The following UNC5D variants were observed in gnomAD, a reference collection of about 807,000 sequenced individuals.
UNC5D encodes netrin receptor UNC5D.
A neutral mutation model predicts 105.4 loss-of-function variants in UNC5D; 39 were observed. That is an observed-to-expected ratio of 0.37 (90% CI 0.29 to 0.48). The LOEUF is 0.48. Ranked by LOEUF, UNC5D falls within the 20% of genes least tolerant of loss-of-function variation. UNC5D has a pLI of 0.98. For missense variants in UNC5D, 991 were observed against 1,202.4 expected, an observed-to-expected ratio of 0.82 and a Z score of 2.60; for synonymous variants, 452 against 450.4, an observed-to-expected ratio of 1.00 and a Z score of -0.04.
chr8:35,565,278 A>AT (rs1351606418), intron 2 of UNC5D, among the ~76,000 whole-genome samples: 2 of 152,166 alleles, frequency 1.3e-5, no homozygotes, highest in African/African-American at 4.8e-5. Flanking sequence ...AATAATGGTC[A>AT]TTTTGATTGG....
chr8:35,552,936 G>A (rs902371361), intron 2 of UNC5D, among the ~76,000 whole-genome samples: 2 of 152,198 alleles, frequency 1.3e-5, no homozygotes, highest in Admixed American at 6.5e-5. Flanking sequence ...TGACAGGCTT[G>A]TGTCTTTTGC....
rs747329307 is a variant in UNC5D at position 35,790,600 on chromosome 8, TG to T, written c.*41del. 6 of 1,610,008 alleles carry T rather than the reference TG, an allele frequency of 3.7e-6. No individual in the cohort carries two copies. In the South Asian group the frequency reaches 6.6e-5, roughly 18 times the overall value. Reference sequence around the variant, plus strand: ...CCATGAGACAGAGTGATGGCCAGCTTGGGGACATTTGCTTTAAATGGGAAAG... The same window carrying T: ...CCATGAGACAGAGTGATGGCCAGCTTGGGACATTTGCTTTAAATGGGAAAG... On this transcript the variant is annotated 3_prime_UTR_variant, in exon 17 of 17. Coordinates refer to ENST00000404895, the MANE Select transcript of UNC5D (RefSeq NM_080872.4).
At chr8:35,761,882 A>AT (rs558349347) in intron 14 of UNC5D, among the ~76,000 whole-genome samples, 88 of 152,296 alleles carry the variant, frequency 5.8e-4, no homozygotes, top group African/African-American at 2.0e-3. Flanking sequence ...CTTGAACCTC[A>AT]TGTAGAACAT....
At position 35,731,092 on chromosome 8, in the gene UNC5D, C is replaced by A; in HGVS notation, c.1762C>A (p.Pro588Thr). The A allele has an allele frequency of 6.2e-7, 1 of 1,613,656 alleles. No individual in the cohort carries two copies. The highest frequency in any genetic ancestry group is 8.5e-7 in the Non-Finnish European group (1 of 1,179,730). Reference sequence around the variant, plus strand: ...TTATATGTCCATCAACCAAGGTGAACCCAGGTGAGAGACAGAGAATAGCAT... The same window carrying A: ...TTATATGTCCATCAACCAAGGTGAAACCAGGTGAGAGACAGAGAATAGCAT... ...EIYMSINQGE[P>T]SLQSDGSEVL... is the part of the protein sequence containing the mutation. Residue 588 changes from proline to threonine, a missense_variant, in exon 11 of 17, where the codon CCC (proline) becomes ACC (threonine). Pro to Thr is a conservative substitution (Grantham distance 38). Around this residue, in one of 3 missense-constraint regions of UNC5D, gnomAD observed 944 missense variants for 1,131.6 expected, o/e 0.83. Coordinates refer to ENST00000404895, the MANE Select transcript of UNC5D (RefSeq NM_080872.4).
Position 35,646,463 on chromosome 8 carries a change from A to G in UNC5D, c.571-37084A>G, listed in dbSNP as rs143020781. On this transcript the variant is annotated intron_variant, in intron 4 of 16. Transcript: ENST00000404895. Reference sequence around the variant, plus strand: ...TGATTTCATCTTTAGTTTGGATATCATTACCAGTACACTGCCTCAACCCAG... The same window carrying G: ...TGATTTCATCTTTAGTTTGGATATCGTTACCAGTACACTGCCTCAACCCAG... Among the ~76,000 whole-genome samples, 882 of 152,218 alleles carry G rather than the reference A, an allele frequency of 5.8e-3. 3 individuals are homozygous for G. The highest frequency in any genetic ancestry group is 0.021 in the African/African-American group (854 of 41,548).
At chr8:35,354,243 G>A (rs944890010) in intron 1 of UNC5D, among the ~76,000 whole-genome samples, 2 of 151,886 alleles carry the variant, frequency 1.3e-5, no homozygotes, top group Non-Finnish European at 2.9e-5. Flanking sequence ...TTCTCTCTAT[G>A]CCATGTTTAT....
intron 4 of UNC5D, among the ~76,000 whole-genome samples, chr8:35,669,488 C>T (rs1002128007): frequency 1.3e-5 from 2 of 152,024 alleles, no homozygotes; most frequent in South Asian, 4.2e-4. Context: ...AATAGCAAGT[C>T]GGTTGCAAAT....
At chr8:35,694,383 G>A (rs185477914) in intron 7 of UNC5D, among the ~76,000 whole-genome samples, 18 of 152,252 alleles carry the variant, frequency 1.2e-4, no homozygotes, top group African/African-American at 3.9e-4. Context: ...TGGACAGACA[G>A]GAACCTAGAA....
chr8:35,518,594 A>G (rs1490590145), intron 1 of UNC5D, among the ~76,000 whole-genome samples: 2 of 152,142 alleles, frequency 1.3e-5, no homozygotes, highest in Non-Finnish European at 1.5e-5. Context: ...GTAGACAGGT[A>G]TATTGATTTC....
At chr8:35,253,589 C>G (rs1202190245) in intron 1 of UNC5D, among the ~76,000 whole-genome samples, 6 of 149,780 alleles carry the variant, frequency 4.0e-5, no homozygotes, top group African/African-American at 1.2e-4. Context: ...TGGGTTCAAG[C>G]GATTCTCCTG....
At position 35,372,574 on chromosome 8, in the gene UNC5D, A is replaced by G. The variant is rs564230154; in HGVS notation, c.103+136687A>G. On this transcript the variant is annotated intron_variant, in intron 1 of 16. Transcript: ENST00000404895. ...AGGAAATGAATAAGCTTTCAATTTC[A>G]TAATAGGCCAAATGCTCTAATATTT... Among the ~76,000 whole-genome samples, 21 of 152,102 alleles carry G rather than the reference A, an allele frequency of 1.4e-4. No homozygotes were observed. In the East Asian group the frequency reaches 3.9e-3, roughly 28 times the overall value.
At chr8:35,492,840 C>A (rs1811298085) in intron 1 of UNC5D, among the ~76,000 whole-genome samples, 2 of 152,080 alleles carry the variant, frequency 1.3e-5, no homozygotes, top group Non-Finnish European at 1.5e-5. Context: ...AGGTGAGGGG[C>A]AGAACTGCAC....
At chr8:35,542,357 T>C (rs2130638518) in intron 1 of UNC5D, among the ~76,000 whole-genome samples, 1 of 152,316 alleles carries the variant, frequency 6.6e-6, no homozygotes, top group African/African-American at 2.4e-5. Context: ...CTCTTTTAGA[T>C]TATGTAACTT....
At chr8:35,476,254 G>A (rs527711043) in intron 1 of UNC5D, among the ~76,000 whole-genome samples, 103 of 152,252 alleles carry the variant, frequency 6.8e-4, no homozygotes, top group African/African-American at 2.2e-3. Flanking sequence ...TAGGCAATGG[G>A]CCTTCACAAG....
chr8:35,243,714 G>A (rs528879764), intron 1 of UNC5D, among the ~76,000 whole-genome samples: 55 of 152,200 alleles, frequency 3.6e-4, no homozygotes, highest in African/African-American at 1.1e-3. Flanking sequence ...TTTCCCAAGC[G>A]GTTGGATCCT....
Position 35,269,854 on chromosome 8 carries a change from T to C in UNC5D, c.103+33967T>C, listed in dbSNP as rs80083581. On this transcript the variant is annotated intron_variant, in intron 1 of 16. Coordinates refer to ENST00000404895, the MANE Select transcript of UNC5D (RefSeq NM_080872.4). ...AAGGTCACACAGATGGGTGTGGAGATTCAAACTCAGGTCTGTGACTCTGAA... is the reference window on the plus strand; with the variant it reads ...AAGGTCACACAGATGGGTGTGGAGACTCAAACTCAGGTCTGTGACTCTGAA... 2.9e-3 allele frequency among the ~76,000 whole-genome samples: 446 copies of C among 152,232 alleles called. 3 individuals are homozygous for C. The highest frequency in any genetic ancestry group is 0.01 in the African/African-American group (416 of 41,546).
Position 35,461,349 on chromosome 8 carries a change from C to T in UNC5D, c.104-87943C>T, listed in dbSNP as rs575494348. Among the ~76,000 whole-genome samples, 80 of 152,216 alleles carry T rather than the reference C, an allele frequency of 5.3e-4. 1 individual carries two copies. The highest frequency in any genetic ancestry group is 1.8e-3 in the African/African-American group (75 of 41,540). On this transcript the variant is annotated intron_variant, in intron 1 of 16. Coordinates refer to ENST00000404895, the MANE Select transcript of UNC5D (RefSeq NM_080872.4). The stretch of plus-strand genomic sequence containing the variant: ...CTTACGTGTCTACATTGCTTATGTT[C>T]GGAATCTCTTACTTCTATGCTACAC...
chr8:35,621,573 G>A (rs1042024447), intron 4 of UNC5D, among the ~76,000 whole-genome samples: 1 of 152,120 alleles, frequency 6.6e-6, no homozygotes. Context: ...GAAGTATGGT[G>A]AAGGCTTAAG....
chr8:35,249,550 T>A (rs1585412634), intron 1 of UNC5D, among the ~76,000 whole-genome samples: 1 of 144,922 alleles, frequency 6.9e-6, no homozygotes, highest in Admixed American at 7.0e-5. Context: ...GGAGGGAAAC[T>A]CTGTCTCAAA....
Sources: gnomAD v4.1 joint callset for allele counts (sites outside exome capture counted in the v4.1 genomes callset) on GRCh38, gnomAD v4.1.1 for gene constraint, gnomAD v4.1.1 regional missense constraint, MANE v1.5 for transcripts, NCBI Gene and HGNC (gene_info 2026-07-23, HGNC 2026-07-21) for gene names.